LMX1B: variants seen among roughly 807,000 people sequenced by gnomAD.
LMX1B encodes LIM homeobox transcription factor 1 beta.
In LMX1B, 12 loss-of-function variants were observed where a neutral mutation model predicts 51.4. The observed-to-expected ratio is 0.23, with a 90% CI of 0.15 to 0.38. LMX1B has a LOEUF of 0.38. LMX1B is among the 10% of genes least tolerant of loss of function. The pLI, the probability that LMX1B is intolerant of heterozygous loss-of-function variation, is 1.00. For synonymous variants in LMX1B, 237 were observed against 235.4 expected (o/e 1.01, Z -0.06); for missense variants, 445 against 571.1 (o/e 0.78, Z 2.25).
At chr9:126,674,170 C>G (rs951018534) in intron 2 of LMX1B, among the ~76,000 whole-genome samples, 1 of 152,100 alleles carries the variant, frequency 6.6e-6, no homozygotes, top group Non-Finnish European at 1.5e-5. Flanking sequence ...GCTTGCTCCT[C>G]CCCGCACCAG....
intron 2 of LMX1B, among the ~76,000 whole-genome samples, chr9:126,620,484 T>G (rs906969803): frequency 6.6e-6 from 1 of 152,156 alleles, no homozygotes; most frequent in South Asian, 2.1e-4. Flanking sequence ...TCCATTATCC[T>G]CTCCTGCACC....
intron 2 of LMX1B, among the ~76,000 whole-genome samples, chr9:126,647,781 A>T (rs539283155): frequency 1.3e-5 from 2 of 152,328 alleles, no homozygotes; most frequent in African/African-American, 4.8e-5. Flanking sequence ...TGTTAGCGCA[A>T]CACCAGGCCC....
chr9:126,647,396 C>T (rs148141225), intron 2 of LMX1B, among the ~76,000 whole-genome samples: 2,670 of 152,244 alleles, frequency 0.018, 38 homozygotes, highest in Non-Finnish European at 0.026. Flanking sequence ...CTTTGGGACA[C>T]GCCGGGACCG....
intron 2 of LMX1B, among the ~76,000 whole-genome samples, chr9:126,659,922 T>TGGGG (rs1159928656): frequency 7.2e-5 from 5 of 69,314 alleles, no homozygotes; most frequent in Admixed American, 6.1e-4. Flanking sequence ...TCCTGTGTGT[T>TGGGG]TGTCTACACT....
intron 2 of LMX1B, among the ~76,000 whole-genome samples, chr9:126,644,622 T>A (rs1835866307): frequency 6.6e-6 from 1 of 152,176 alleles, no homozygotes; most frequent in Non-Finnish European, 1.5e-5. Flanking sequence ...GAGTGGTCCC[T>A]CCATGAAACA....
At chr9:126,620,158 A>G (rs1233831635) in intron 2 of LMX1B, among the ~76,000 whole-genome samples, 1 of 152,168 alleles carries the variant, frequency 6.6e-6, no homozygotes, top group Non-Finnish European at 1.5e-5. Flanking sequence ...TCCATGGTAC[A>G]CAGGGTTTAC....
intron 2 of LMX1B, among the ~76,000 whole-genome samples, chr9:126,650,224 G>A (rs956195173): frequency 6.6e-6 from 1 of 152,186 alleles, no homozygotes; most frequent in Non-Finnish European, 1.5e-5. Flanking sequence ...GCCCTGCCCC[G>A]AAGTCGGTGG....
chr9:126,666,623 G>A lies in LMX1B; in HGVS notation c.327-24213G>A, dbSNP rs550925235. On this transcript the variant is annotated intron_variant, in intron 2 of 7. Transcript: ENST00000373474. The stretch of plus-strand genomic sequence containing the variant: ...GCGCCATTCTATGTGCTTTACGTAC[G>A]TGCTTTACGTACGCATGTTCTATGT... 5.3e-5 allele frequency among the ~76,000 whole-genome samples: 8 copies of A among 152,356 alleles called. No homozygotes were observed. In the East Asian group the frequency reaches 1.5e-3, roughly 29 times the overall value.
intron 2 of LMX1B, among the ~76,000 whole-genome samples, chr9:126,681,510 G>A (rs1384950201): frequency 1.3e-5 from 2 of 152,072 alleles, no homozygotes; most frequent in Admixed American, 6.5e-5. Flanking sequence ...TCCTGGCTCT[G>A]AGCCAACACC....
intron 2 of LMX1B, among the ~76,000 whole-genome samples, chr9:126,668,518 A>G (rs912319721): frequency 6.6e-6 from 1 of 151,288 alleles, no homozygotes; most frequent in Non-Finnish European, 1.5e-5. Flanking sequence ...CAGTGGCACC[A>G]TCTCAGCTCA....
At position 126,677,355 on chromosome 9, in the gene LMX1B, T is replaced by TATTCTCTC. The variant is rs1369363130; in HGVS notation, c.327-13479_327-13472dup. ...CCTCTCTGGCACCCCCTTCTCAAGA[T>TATTCTCTC]ATTCTCTCAGGCCTCTGTAGATGAC... On this transcript the variant is annotated intron_variant, in intron 2 of 7. Transcript: ENST00000373474. The surrounding 1 kb of genome is among the most constrained non-coding windows in gnomAD (Gnocchi z 5.0). Among the ~76,000 whole-genome samples the TATTCTCTC allele has an allele frequency of 6.6e-5, 10 of 152,184 alleles. No individual in the cohort carries two copies. The highest frequency in any genetic ancestry group is 2.0e-4 in the Admixed American group (3 of 15,282).
In LMX1B at chr9:126,614,599, G is replaced by C; in HGVS notation, c.139+11G>C. On this transcript the variant is annotated intron_variant, in intron 1 of 7. Coordinates refer to ENST00000373474, the MANE Select transcript of LMX1B (RefSeq NM_001174147.2). ...TGGGGGTGCTGCTGGGTGAGTGCGG[G>C]GTCGGAACGCCCGAGTGGTCTCGGG... 1 of 1,578,006 alleles carries C rather than the reference G, an allele frequency of 6.3e-7. No homozygotes were observed. Among genetic ancestry groups the C allele is most frequent in the East Asian group, 2.3e-5 (1 of 42,928 alleles).
In LMX1B at chr9:126,615,197, A is replaced by G. The variant is rs1185822623; in HGVS notation, c.140-186A>G. Among the ~76,000 whole-genome samples the G allele has an allele frequency of 6.6e-6, 1 of 151,470 alleles. No homozygotes were observed. Among genetic ancestry groups the G allele is most frequent in the Non-Finnish European group, 1.5e-5 (1 of 67,794 alleles). ...CGCGGCCTCTCCACGCCGGAGCCCG[A>G]GGACTGGGACGGACTAGCCGGGGCC... is the stretch of plus-strand genomic sequence containing the variant. On this transcript the variant is annotated intron_variant, in intron 1 of 7. Coordinates refer to ENST00000373474, the MANE Select transcript of LMX1B (RefSeq NM_001174147.2). This position sits in a 1 kb window ranked among gnomAD's most constrained non-coding sequence, Gnocchi z 6.0.
At chr9:126,676,607 G>A (rs933492451) in intron 2 of LMX1B, among the ~76,000 whole-genome samples, 3 of 152,208 alleles carry the variant, frequency 2.0e-5, no homozygotes, top group Admixed American at 2.0e-4. Flanking sequence ...AGACCAGGTG[G>A]CTGGCTTTCT....
intron 2 of LMX1B, among the ~76,000 whole-genome samples, chr9:126,668,556 C>G (rs1043055317): frequency 1.3e-5 from 2 of 152,050 alleles, no homozygotes; most frequent in Non-Finnish European, 2.9e-5. Flanking sequence ...TGAGTTCAAG[C>G]AATTCTCCTG....
rs1001307100 is a variant in LMX1B, at chr9:126,614,475, C to A, written c.26C>A (p.Ser9Ter). The change falls in exon 1 of 8, where the codon TCG (serine) becomes TAG (stop). Residue 9 changes from serine (S) to a stop codon, truncating the protein, a stop_gained. Transcript: ENST00000373474. LOFTEE classifies it high-confidence loss of function. MDIATGPE[S>*]LERCFPRGQT... ...ATGGATATAGCAACAGGTCCCGAGT[C>A]GCTGGAGAGGTGCTTCCCTCGCGGG... The A allele has an allele frequency of 2.5e-6, 4 of 1,589,734 alleles. No homozygotes were observed. The highest frequency in any genetic ancestry group is 3.4e-6 in the Non-Finnish European group (4 of 1,168,716).
At chr9:126,624,809 T>C (rs927127742) in intron 2 of LMX1B, among the ~76,000 whole-genome samples, 1 of 151,834 alleles carries the variant, frequency 6.6e-6, no homozygotes, top group African/African-American at 2.4e-5. Context: ...ACCCCGTTTT[T>C]CTCCCGGACT....
intron 2 of LMX1B, among the ~76,000 whole-genome samples, chr9:126,655,874 G>A (rs1192544259): frequency 6.6e-6 from 1 of 152,192 alleles, no homozygotes; most frequent in African/African-American, 2.4e-5. Flanking sequence ...TGGATGTCAG[G>A]TCGTCTTTTC....
At chr9:126,657,478 C>G (rs1296652581) in intron 2 of LMX1B, among the ~76,000 whole-genome samples, 1 of 152,216 alleles carries the variant, frequency 6.6e-6, no homozygotes, top group Admixed American at 6.5e-5. Context: ...TCCAGGATCA[C>G]CTTATCCTTG....
Sources: gnomAD v4.1 joint callset for allele counts (sites outside exome capture counted in the v4.1 genomes callset) on GRCh38, gnomAD v4.1.1 for gene constraint, Gnocchi (gnomAD v3.1) non-coding constraint, MANE v1.5 for transcripts, NCBI Gene and HGNC (gene_info 2026-07-23, HGNC 2026-07-21) for gene names.